INTS3: variants seen among roughly 807,000 people sequenced by gnomAD.
The protein encoded by INTS3 is SOSS complex subunit A.
A neutral mutation model predicts 146.3 loss-of-function variants in INTS3; 34 were observed. The observed-to-expected ratio is 0.23, with a 90% CI of 0.18 to 0.31. INTS3 has a LOEUF of 0.31. INTS3 is among the 10% of genes least tolerant of loss of function. The probability of loss-of-function intolerance (pLI) is 1.00; values close to 1 mark genes in which losing one functional copy is unlikely to be tolerated. For synonymous variants in INTS3, 475 were observed against 494.9 expected (o/e 0.96, Z 0.53); for missense variants, 757 against 1,304.2 (o/e 0.58, Z 6.46).
intron 12 of INTS3, chr1:153,760,605 G>A: frequency 1.6e-6 from 1 of 623,162 alleles, no homozygotes; most frequent in Non-Finnish European, 2.8e-6. Flanking sequence ...TCAATCACAA[G>A]GATGGTGACT....
chr1:153,761,520 T>G (rs201573012), intron 13 of INTS3, 50 bp from the exon 14 acceptor site: 1 of 1,354,974 alleles, frequency 7.4e-7, no homozygotes, highest in Admixed American at 1.9e-5. Flanking sequence ...CAAAAAAAAA[T>G]AAAAATAAGA....
chr1:153,739,709 TCTGCCCAC>T (rs1032024183), intron 1 of INTS3, among the ~76,000 whole-genome samples: 12 of 152,180 alleles, frequency 7.9e-5, no homozygotes, highest in African/African-American at 2.9e-4. Context: ...CCTCGGGTGA[TCTGCCCAC>T]CTCAGCCTCC....
chr1:153,764,242 C>T, intron 18 of INTS3, 21 bp downstream of exon 18: 1 of 1,539,426 alleles, frequency 6.5e-7, no homozygotes, highest in Non-Finnish European at 9.0e-7. Context: ...TTTTCCCTCA[C>T]TCCAGAGCCT....
At chr1:153,745,161 CTTT>C (rs11438435) in intron 3 of INTS3, among the ~76,000 whole-genome samples, 2 of 138,820 alleles carry the variant, frequency 1.4e-5, no homozygotes, top group South Asian at 2.3e-4. Flanking sequence ...CCTTGCTGTA[CTTT>C]TTTTTTTTTT....
At position 153,770,134 on chromosome 1, in the gene INTS3, G is replaced by GGT. The variant is rs375227443; in HGVS notation, c.2390-47_2390-46dup. On this transcript the variant is annotated intron_variant, in intron 23 of 29. Coordinates refer to ENST00000318967, the MANE Select transcript of INTS3 (RefSeq NM_023015.5). ...AGTCAGTGGATGGGGGGGTGGGGGG[G>GGT]GTGTGTGTGTGTGTGTGTTCGTTTG... The GGT allele has an allele frequency of 4.8e-3, 1,987 of 411,280 alleles. 25 individuals carry two copies. The highest frequency in any genetic ancestry group is 0.045 in the African/African-American group (1,133 of 25,118). 25.5% of individuals were successfully genotyped at this position (411,280 alleles called of 1,614,324 possible).
At chr1:153,759,894 C>G in intron 11 of INTS3, 1 of 522,172 alleles carries the variant, frequency 1.9e-6, no homozygotes, top group Admixed American at 3.5e-5. Context: ...TCCTGCTTCT[C>G]CTCACCTATT....
At position 153,748,687 on chromosome 1, in the gene INTS3, A is replaced by G; in HGVS notation, c.518-2A>G. On this transcript the variant is annotated splice_acceptor_variant, in intron 5 of 29. Coordinates refer to ENST00000318967, the MANE Select transcript of INTS3 (RefSeq NM_023015.5). LOFTEE classifies it high-confidence loss of function. ...ATTCTTTTTTTCCCCTTTTGAAATC[A>G]GGTGGAGATGTTACAGCCAAAAATA... The G allele has an allele frequency of 6.2e-7, 1 of 1,613,154 alleles. No homozygotes were observed. Among genetic ancestry groups the G allele is most frequent in the Non-Finnish European group, 8.5e-7 (1 of 1,179,060 alleles).
intron 6 of INTS3, chr1:153,750,798 A>G (rs1019246993): frequency 4.8e-6 from 2 of 416,294 alleles, no homozygotes; most frequent in Non-Finnish European, 8.6e-6. Context: ...TGAGTCAACA[A>G]AGAGAGTTAT....
chr1:153,747,134 G>A, intron 4 of INTS3, 64 bp downstream of exon 4: 1 of 1,373,440 alleles, frequency 7.3e-7, no homozygotes, highest in Non-Finnish European at 1.0e-6. Flanking sequence ...CTCTCTGTCA[G>A]GAACGGGAAA....
Position 153,751,246 on chromosome 1 carries a change from G to A in INTS3, c.729+7G>A. 2 of 1,613,804 alleles carry A rather than the reference G, an allele frequency of 1.2e-6. No individual in the cohort carries two copies. The highest frequency in any genetic ancestry group is 1.7e-6 in the Non-Finnish European group (2 of 1,179,798). ...CTCACTGCTTCGGGAACGGGTGAGG[G>A]AACAGGACAAAAATAATGTGGGGAA... On this transcript the variant is annotated splice_region_variant and intron_variant, in intron 7 of 29. Coordinates refer to ENST00000318967, the MANE Select transcript of INTS3 (RefSeq NM_023015.5).
At position 153,771,829 on chromosome 1, in the gene INTS3, C is replaced by G; in HGVS notation, c.2586C>G (p.Ser862Arg). 1 of 1,613,860 alleles carries G rather than the reference C, an allele frequency of 6.2e-7. No homozygotes were observed. The highest frequency in any genetic ancestry group is 1.1e-5 in the South Asian group (1 of 91,066). ...PSEEMVKMVL[S>R]RPCHPDDQFT... ...AGGAGATGGTGAAGATGGTGCTGAG[C>G]CGGCCCTGCCATCCTGACGACCAGT... Residue 862 changes from serine (S) to arginine (R), a missense_variant, in exon 26 of 30, where the codon AGC becomes AGG. Ser to Arg is a moderately radical substitution (Grantham distance 110). Around this residue, in one of 8 missense-constraint regions of INTS3, gnomAD observed 116 missense variants for 226.5 expected, o/e 0.51. Transcript: ENST00000318967.
intron 6 of INTS3, among the ~76,000 whole-genome samples, chr1:153,750,355 G>A (rs574424406): frequency 2.0e-5 from 3 of 152,304 alleles, no homozygotes; most frequent in East Asian, 3.9e-4. Flanking sequence ...TCCTTTTAAA[G>A]CAACTGGGAA....
At position 153,769,853 on chromosome 1, in the gene INTS3, T is replaced by A; in HGVS notation, c.2389+9T>A. The A allele has an allele frequency of 6.3e-7, 1 of 1,592,766 alleles. No individual in the cohort carries two copies. The highest frequency in any genetic ancestry group is 2.2e-5 in the East Asian group (1 of 44,770). ...AGTTCTCAACATACTCAGTAAGTGA[T>A]CAAATCTTTAGGTGCCTGGGAGAGG... On this transcript the variant is annotated intron_variant, in intron 23 of 29. Coordinates refer to ENST00000318967, the MANE Select transcript of INTS3 (RefSeq NM_023015.5).
chr1:153,729,366 C>T (rs1306846255), intron 1 of INTS3, among the ~76,000 whole-genome samples: 2 of 152,160 alleles, frequency 1.3e-5, no homozygotes, highest in Non-Finnish European at 2.9e-5. Context: ...GGGGATTCTC[C>T]TTCAGAACCA....
At chr1:153,748,376 A>G (rs1263253321) in intron 5 of INTS3, 6 of 374,636 alleles carry the variant, frequency 1.6e-5, no homozygotes, top group East Asian at 5.7e-5. Context: ...TTTCTTTCCA[A>G]CTGTGGGCTT....
intron 1 of INTS3, among the ~76,000 whole-genome samples, chr1:153,736,002 G>A (rs535309533): frequency 6.6e-6 from 1 of 152,324 alleles, no homozygotes; most frequent in African/African-American, 2.4e-5. Context: ...AAAGTACTGG[G>A]ATTACAGGCG....
At chr1:153,731,411 A>G (rs1011384574) in intron 1 of INTS3, among the ~76,000 whole-genome samples, 3 of 151,758 alleles carry the variant, frequency 2.0e-5, no homozygotes, top group African/African-American at 7.3e-5. Context: ...GCCCATTCCC[A>G]TCCCAATTTG....
At chr1:153,746,185 C>T (rs1007461484) in intron 3 of INTS3, among the ~76,000 whole-genome samples, 8 of 152,230 alleles carry the variant, frequency 5.3e-5, no homozygotes, top group African/African-American at 1.9e-4. Flanking sequence ...CTGACTGGGT[C>T]AGTACTGGTC....
chr1:153,764,786 GCA>G (rs1672514460), intron 19 of INTS3, 52 bp downstream of exon 19: 1 of 1,526,984 alleles, frequency 6.5e-7, no homozygotes. Flanking sequence ...CTCCCTGACA[GCA>G]CACACATGTG....
Sources: allele counts gnomAD v4.1 joint callset (sites outside exome capture counted in the v4.1 genomes callset), GRCh38; gene constraint gnomAD v4.1.1; regional missense constraint gnomAD v4.1.1; transcripts MANE v1.5; gene names NCBI Gene and HGNC (gene_info 2026-07-23, HGNC 2026-07-21).